Variants in DENND2C observed in about 807,000 individuals in gnomAD.
DENND2C encodes DENN domain-containing protein 2C.
DENND2C carries 72 observed loss-of-function variants against 112.4 expected under a neutral mutation model. The observed-to-expected ratio is 0.64, with a 90% CI of 0.53 to 0.78. DENND2C has a LOEUF of 0.78. DENND2C is among the 30% of genes least tolerant of loss of function. The pLI is 0.00. For synonymous variants in DENND2C, 329 were observed against 381.6 expected, an observed-to-expected ratio of 0.86 and a Z score of 1.61; for missense variants, 992 against 1,113.8, an observed-to-expected ratio of 0.89 and a Z score of 1.56.
At chr1:114,612,155 C>T (rs1394098171) in intron 8 of DENND2C, among the ~76,000 whole-genome samples, 1 of 151,968 alleles carries the variant, frequency 6.6e-6, no homozygotes, top group Admixed American at 6.6e-5. Context: ...GAAAACTGCC[C>T]AAATTCATAA....
intron 3 of DENND2C, among the ~76,000 whole-genome samples, chr1:114,632,192 A>G (rs1203702341): frequency 1.3e-5 from 2 of 152,180 alleles, no homozygotes; most frequent in African/African-American, 4.8e-5. Flanking sequence ...TTTACCCTAC[A>G]TATAACTGGA....
At chr1:114,613,314 C>T (rs575540488) in intron 8 of DENND2C, among the ~76,000 whole-genome samples, 4 of 152,150 alleles carry the variant, frequency 2.6e-5, no homozygotes, top group South Asian at 2.1e-4. Context: ...AATGTATTTG[C>T]GTGCACATGA....
chr1:114,655,701 C>T (rs1440831601), intron 1 of DENND2C, among the ~76,000 whole-genome samples: 1 of 151,906 alleles, frequency 6.6e-6, no homozygotes, highest in East Asian at 1.9e-4. Flanking sequence ...CTAGGCTGGT[C>T]TTGAACTCCT....
intron 2 of DENND2C, among the ~76,000 whole-genome samples, chr1:114,651,896 A>G (rs1657176824): frequency 6.6e-6 from 1 of 151,966 alleles, no homozygotes; most frequent in Non-Finnish European, 1.5e-5. Flanking sequence ...CTGTGGAAGT[A>G]TCAGAGCCTA....
At chr1:114,656,785 A>G (rs1003041911) in intron 1 of DENND2C, among the ~76,000 whole-genome samples, 1 of 150,282 alleles carries the variant, frequency 6.7e-6, no homozygotes, top group South Asian at 2.1e-4. Flanking sequence ...TAGAATAGGC[A>G]TATGTTCTGG....
chr1:114,661,672 T>C (rs1239476793), intron 1 of DENND2C, among the ~76,000 whole-genome samples: 8 of 152,220 alleles, frequency 5.3e-5, no homozygotes, highest in African/African-American at 1.2e-4. Flanking sequence ...ATAATCTTCA[T>C]TGAAAGTCTT....
rs752431777 is a variant in DENND2C at position 114,602,244 on chromosome 1, C to T, written c.1668-50G>A. The T allele has an allele frequency of 2.5e-6, 4 of 1,581,534 alleles. No homozygotes were observed. The African/African-American group carries it at 4.0e-5, about 16-fold the overall frequency. On this transcript the variant is annotated intron_variant, in intron 11 of 20. Transcript: ENST00000393274. ...TTAGGATCCAAACAATTACTTATGG[C>T]ATTCTCCATGGAACAAACAATTGAA...
chr1:114,607,808 A>T lies in DENND2C; in HGVS notation c.1557+878T>A, dbSNP rs372115751. 3.9e-5 allele frequency among the ~76,000 whole-genome samples: 6 copies of T among 152,230 alleles called. No homozygotes were observed. In the South Asian group the frequency reaches 6.2e-4, roughly 16 times the overall value. ...ATTGAGTACATACTATGTGCCAGGG[A>T]TGGCATTAGCACTATATACATTACC... On this transcript the variant is annotated intron_variant, in intron 10 of 20. Transcript: ENST00000393274.
chr1:114,610,855 C>T (rs1457827875), intron 9 of DENND2C, among the ~76,000 whole-genome samples: 2 of 152,186 alleles, frequency 1.3e-5, no homozygotes, highest in African/African-American at 2.4e-5. Flanking sequence ...TGTTTTGCCT[C>T]ACTCCACTAT....
chr1:114,595,379 C>T, intron 17 of DENND2C: 1 of 153,128 alleles, frequency 6.5e-6, no homozygotes, highest in East Asian at 1.9e-4. Flanking sequence ...ACTCGGGAGG[C>T]TGAGGCAGGA....
At chr1:114,633,833 A>G (rs1656569334) in intron 3 of DENND2C, among the ~76,000 whole-genome samples, 1 of 152,228 alleles carries the variant, frequency 6.6e-6, no homozygotes, top group Non-Finnish European at 1.5e-5. Context: ...AGCTCTAAGT[A>G]CAAGGCAAAG....
At chr1:114,637,510 A>C (rs1239895221) in intron 3 of DENND2C, among the ~76,000 whole-genome samples, 2 of 152,108 alleles carry the variant, frequency 1.3e-5, no homozygotes, top group African/African-American at 2.4e-5. Flanking sequence ...AATGTACTGG[A>C]ATATTCAAGA....
intron 5 of DENND2C, 116 bp from the exon 6 acceptor site, chr1:114,623,215 G>A: frequency 1.0e-6 from 1 of 954,282 alleles, no homozygotes; most frequent in Non-Finnish European, 1.5e-6. Context: ...CTACATTGCT[G>A]TAGGGATGTG....
intron 2 of DENND2C, among the ~76,000 whole-genome samples, chr1:114,653,722 T>G (rs1156874433): frequency 6.6e-6 from 1 of 152,190 alleles, no homozygotes; most frequent in Non-Finnish European, 1.5e-5. Flanking sequence ...TTTGTTGTAT[T>G]TTTCTATATT....
Position 114,626,045 on chromosome 1 carries a change from T to C in DENND2C, c.-61A>G. ...ACAAAGGTTCCATTACAAGTAAATG[T>C]GAAATATTGTATTCTTTATCCTGTC... On this transcript the variant is annotated 5_prime_UTR_variant, in exon 4 of 21. Transcript: ENST00000393274. 7.0e-7 allele frequency: 1 copy of C among 1,422,656 alleles called. No homozygotes were observed. 88.1% of individuals were successfully genotyped at this position (1,422,656 alleles called of 1,614,324 possible).
intron 3 of DENND2C, among the ~76,000 whole-genome samples, chr1:114,642,199 C>T (rs912190198): frequency 5.3e-5 from 8 of 152,310 alleles, no homozygotes; most frequent in African/African-American, 1.7e-4. Flanking sequence ...GATCCGTCCG[C>T]CTCGGCCTCC....
intron 1 of DENND2C, among the ~76,000 whole-genome samples, chr1:114,655,889 T>TATATATATATAC (rs914283663): frequency 7.0e-6 from 1 of 143,404 alleles, no homozygotes. Flanking sequence ...TATAAATATA[T>TATATATATATAC]ATATATATAT....
intron 6 of DENND2C, 145 bp from the exon 7 acceptor site, chr1:114,622,210 C>T (rs1293820027): frequency 2.5e-6 from 2 of 801,278 alleles, no homozygotes; most frequent in African/African-American, 3.5e-5. Context: ...ATCTCCTGAG[C>T]TCAAGTGATC....
At chr1:114,587,599 A>C in intron 19 of DENND2C, 117 bp downstream of exon 19, 1 of 1,414,812 alleles carries the variant, frequency 7.1e-7, no homozygotes, top group Non-Finnish European at 9.7e-7. Context: ...TAATTCTCAT[A>C]ATAAACAACT....
Sources: gnomAD v4.1 joint callset for allele counts (sites outside exome capture counted in the v4.1 genomes callset) on GRCh38, gnomAD v4.1.1 for gene constraint, MANE v1.5 for transcripts, NCBI Gene and HGNC (gene_info 2026-07-23, HGNC 2026-07-21) for gene names.